Variants in PCNX1 observed in about 807,000 individuals in gnomAD.
The protein encoded by PCNX1 is pecanex 1, also known as pecanex-like protein 1.
A neutral mutation model predicts 242.2 loss-of-function variants in PCNX1; 78 were observed. That is an observed-to-expected ratio of 0.32 (90% CI 0.27 to 0.39). The LOEUF (loss-of-function observed/expected upper bound fraction) is 0.39, where lower values mean the gene tolerates loss of function less well. Among genes scored for constraint, PCNX1 ranks in the 10% least tolerant of loss-of-function variants. The pLI, the probability that PCNX1 is intolerant of heterozygous loss-of-function variation, is 1.00. For synonymous variants in PCNX1, 1,024 were observed against 1,032.9 expected, an observed-to-expected ratio of 0.99 and a Z score of 0.17; for missense variants, 2,581 against 2,856.5, an observed-to-expected ratio of 0.90 and a Z score of 2.20.
Position 71,057,611 on chromosome 14 carries a change from A to G in PCNX1, c.4739A>G (p.Tyr1580Cys). 4 of 1,613,656 alleles carry G rather than the reference A, an allele frequency of 2.5e-6. No individual in the cohort carries two copies. The highest frequency in any genetic ancestry group is 2.2e-5 in the South Asian group (2 of 91,068). ...TTGCTACTAGGACGGTGGGGAAACT[A>G]CAGTACAGGGGACTGTTTCATCCTT... ...GDLLLGRWGN[Y>C]STGDCFILAS... Residue 1580 changes from tyrosine to cysteine, a missense_variant, in exon 26 of 36, where the codon TAC becomes TGC. Physicochemically the swap from Tyr to Cys is radical, Grantham distance 194 (BLOSUM62 -2). Transcript: ENST00000304743.
At chr14:71,075,702 A>G (rs930464311) in intron 27 of PCNX1, among the ~76,000 whole-genome samples, 2 of 151,984 alleles carry the variant, frequency 1.3e-5, no homozygotes, top group African/African-American at 4.8e-5. Flanking sequence ...TTCAAGACCA[A>G]CCTGGCCAAA....
chr14:71,054,087 AAAG>A (rs2061116484), intron 24 of PCNX1, among the ~76,000 whole-genome samples: 1 of 152,244 alleles, frequency 6.6e-6, no homozygotes, highest in African/African-American at 2.4e-5. Context: ...CCCAGGCAAA[AAAG>A]AAGTATTCTA....
At chr14:71,033,361 C>T in intron 16 of PCNX1, 68 bp from the exon 17 acceptor site, 1 of 766,884 alleles carries the variant, frequency 1.3e-6, no homozygotes, top group South Asian at 1.8e-5. Flanking sequence ...AAAATACGTA[C>T]ATAAAAGGAT....
chr14:71,072,654 T>C (rs978907513), intron 26 of PCNX1, among the ~76,000 whole-genome samples: 13 of 152,214 alleles, frequency 8.5e-5, no homozygotes, highest in African/African-American at 3.1e-4. Context: ...AAAATTATTG[T>C]GCAGCCTGAT....
intron 15 of PCNX1, among the ~76,000 whole-genome samples, chr14:71,027,665 C>T (rs910501004): frequency 2.0e-5 from 3 of 151,854 alleles, no homozygotes; most frequent in African/African-American, 7.2e-5. Flanking sequence ...CATTGAAATC[C>T]TCTCTGCTGA....
chr14:71,031,953 C>T lies in PCNX1; in HGVS notation c.3559-1476C>T, dbSNP rs563381518. 3.4e-5 allele frequency: 47 copies of T among 1,374,616 alleles called. No individual in the cohort carries two copies. The South Asian group carries it at 5.1e-4, about 15-fold the overall frequency. 85.2% of individuals were successfully genotyped at this position (1,374,616 alleles called of 1,614,324 possible). On this transcript the variant is annotated intron_variant, in intron 16 of 35. Transcript: ENST00000304743. ...GGCGGAACTCCCCAAAGGCAAACTT[C>T]ATGGCTCTTTCTAGGCACTGTGGTT...
intron 11 of PCNX1, among the ~76,000 whole-genome samples, chr14:71,018,579 G>A (rs1250022906): frequency 6.6e-6 from 1 of 151,990 alleles, no homozygotes; most frequent in Non-Finnish European, 1.5e-5. Context: ...TTACTATTTT[G>A]CCATATAACA....
chr14:70,955,695 T>C (rs1226843750), intron 2 of PCNX1, among the ~76,000 whole-genome samples: 1 of 152,230 alleles, frequency 6.6e-6, no homozygotes, highest in East Asian at 1.9e-4. Flanking sequence ...TTTCCAGGTA[T>C]GTGCTGAAAT....
rs1209822651 is a variant in PCNX1 at position 70,907,838 on chromosome 14, G to C, written c.-13G>C. ...GGCGGCGGCGGCGGCGACGGCGGCG[G>C]CGCCGGGTGGGGATGGGGTCGCAGA... On this transcript the variant is annotated 5_prime_UTR_variant, in exon 1 of 36. Coordinates refer to ENST00000304743, the MANE Select transcript of PCNX1 (RefSeq NM_014982.3). The C allele has an allele frequency of 1.0e-5, 13 of 1,285,352 alleles. No individual in the cohort carries two copies. The highest frequency in any genetic ancestry group is 1.3e-5 in the Non-Finnish European group (13 of 1,013,706). The allele number at this position is 1,285,352 out of a possible 1,614,324, so 79.6% of individuals were successfully genotyped here.
At chr14:71,061,313 C>T (rs187589948) in intron 26 of PCNX1, among the ~76,000 whole-genome samples, 41 of 152,238 alleles carry the variant, frequency 2.7e-4, no homozygotes, top group African/African-American at 9.1e-4. Flanking sequence ...CTTGAATGAC[C>T]CAGCTTTTCT....
chr14:70,970,023 T>C (rs2058494211), intron 5 of PCNX1: 1 of 151,654 alleles, frequency 6.6e-6, no homozygotes, highest in African/African-American at 2.4e-5. Context: ...TATGTATGTA[T>C]GTATGTATGT....
intron 5 of PCNX1, among the ~76,000 whole-genome samples, chr14:70,975,671 G>A (rs1174300108): frequency 6.6e-6 from 1 of 152,056 alleles, no homozygotes; most frequent in East Asian, 1.9e-4. Flanking sequence ...AGCAGGTTCA[G>A]ATGTCCTTGT....
At chr14:70,945,723 G>A (rs556865193) in intron 1 of PCNX1, among the ~76,000 whole-genome samples, 5 of 151,316 alleles carry the variant, frequency 3.3e-5, no homozygotes, top group South Asian at 4.2e-4. Context: ...GCTGGAGTGC[G>A]GTGGCATGAT....
chr14:71,043,000 T>C (rs1364249521), intron 19 of PCNX1, among the ~76,000 whole-genome samples: 1 of 100,004 alleles, frequency 1.0e-5, no homozygotes, highest in African/African-American at 5.3e-5. Context: ...GGTAATAAAT[T>C]CCTTAGTCTT....
intron 2 of PCNX1, among the ~76,000 whole-genome samples, chr14:70,961,265 C>A (rs1212243226): frequency 9.2e-5 from 14 of 152,218 alleles, no homozygotes; most frequent in Middle Eastern, 3.4e-3. Context: ...ACTTCAAACT[C>A]TACTACAAGG....
chr14:70,953,175 A>T (rs2810109), intron 2 of PCNX1, among the ~76,000 whole-genome samples: 67,117 of 151,990 alleles, frequency 0.44, 16,217 homozygotes, highest in Non-Finnish European at 0.55. Context: ...GATACTTGGG[A>T]GGCTGAGGCA....
intron 7 of PCNX1, among the ~76,000 whole-genome samples, chr14:70,989,426 T>C (rs2059093410): frequency 6.6e-6 from 1 of 152,028 alleles, no homozygotes; most frequent in Non-Finnish European, 1.5e-5. Flanking sequence ...ACTACTTTAT[T>C]CTTAATTACA....
intron 1 of PCNX1, among the ~76,000 whole-genome samples, chr14:70,912,274 T>C (rs757166224): frequency 2.6e-5 from 4 of 151,992 alleles, no homozygotes; most frequent in Non-Finnish European, 4.4e-5. Context: ...ACGTTAAAAT[T>C]TATTACGTAA....
chr14:70,990,186 C>T (rs117292433), intron 7 of PCNX1, among the ~76,000 whole-genome samples: 2,236 of 151,926 alleles, frequency 0.015, 25 homozygotes, highest in Middle Eastern at 0.034. Context: ...TGGAATATCT[C>T]GGAATGTGCT....
Sources: gnomAD v4.1 joint callset for allele counts (sites outside exome capture counted in the v4.1 genomes callset) on GRCh38, gnomAD v4.1.1 for gene constraint, MANE v1.5 for transcripts, NCBI Gene and HGNC (gene_info 2026-07-23, HGNC 2026-07-21) for gene names.